The following GDE1 variants were observed in gnomAD, a reference collection of about 807,000 sequenced individuals.
The protein encoded by GDE1 is RGS16-interacting membrane protein.
In GDE1, 24 loss-of-function variants were observed where a neutral mutation model predicts 32.2. The ratio of observed to expected loss-of-function variants is 0.75; its 90% CI spans 0.54 to 1.05. GDE1 has a LOEUF of 1.05. GDE1 is among the 50% of genes least tolerant of loss of function. The pLI, the probability that GDE1 is intolerant of heterozygous loss-of-function variation, is 0.00. For synonymous variants in GDE1, 159 were observed against 158.6 expected (o/e 1.00, Z -0.02); for missense variants, 380 against 415.0 (o/e 0.92, Z 0.73).
chr16:19,519,449 C>CAT (rs111659244), intron 1 of GDE1, among the ~76,000 whole-genome samples: 1,531 of 146,902 alleles, frequency 0.01, 21 homozygotes, highest in African/African-American at 0.029. Flanking sequence ...TGTGTATGTG[C>CAT]ATATATATAT....
Position 19,517,107 on chromosome 16 carries a change from G to A in GDE1, c.344C>T (p.Thr115Ile). The A allele has an allele frequency of 1.2e-6, 2 of 1,613,628 alleles. No homozygotes were observed. Among genetic ancestry groups the A allele is most frequent in the Non-Finnish European group, 1.7e-6 (2 of 1,179,548 alleles). Residue 115 changes from threonine (T) to isoleucine (I), a missense_variant, in exon 2 of 6, where the codon ACA becomes ATA. Thr to Ile is a moderately conservative substitution (Grantham distance 89). Coordinates refer to ENST00000353258, the MANE Select transcript of GDE1 (RefSeq NM_016641.4). ...AGTCCCATCAGTCGTCCTATCTACT[G>A]TGTTATCGTGCATTAAGACAGGAAT... ...DGIPVLMHDNTVDRTTDGTGR... is the reference protein window; with the variant it reads ...DGIPVLMHDNIVDRTTDGTGR...
Position 19,504,983 on chromosome 16 carries a change from A to G in GDE1, c.746T>C (p.Ile249Thr). Residue 249 changes from isoleucine (I) to threonine (T), a missense_variant, in exon 5 of 6, where the codon ATA becomes ACA. Coordinates refer to ENST00000353258, the MANE Select transcript of GDE1 (RefSeq NM_016641.4). The part of the protein sequence containing the change: ...PRYDTFWKHF[I>T]FVMMDILLDW... ...GAGCAAAATGTCCATCATAACAAAT[A>G]TAAAATGTTTCCAGAAAGTATCATA... is the stretch of plus-strand genomic sequence containing the variant. The G allele has an allele frequency of 6.2e-7, 1 of 1,613,054 alleles. No individual in the cohort carries two copies. Among genetic ancestry groups the G allele is most frequent in the Non-Finnish European group, 8.5e-7 (1 of 1,178,980 alleles).
At chr16:19,515,367 G>A (rs569291368) in intron 2 of GDE1, among the ~76,000 whole-genome samples, 15 of 152,304 alleles carry the variant, frequency 9.8e-5, no homozygotes, top group Non-Finnish European at 1.9e-4. Context: ...AAGACTGGTT[G>A]TGTTAAAGAC....
chr16:19,512,507 CA>C (rs1431726337), intron 2 of GDE1, among the ~76,000 whole-genome samples: 1 of 152,102 alleles, frequency 6.6e-6, no homozygotes, highest in East Asian at 1.9e-4. Context: ...TCCTATTCAA[CA>C]GGTTTTCTTT....
At chr16:19,509,417 A>T (rs561538907) in intron 3 of GDE1, among the ~76,000 whole-genome samples, 29 of 152,306 alleles carry the variant, frequency 1.9e-4, no homozygotes, top group African/African-American at 7.0e-4. Flanking sequence ...GGTGCTCATT[A>T]AAAATACATG....
intron 1 of GDE1, 22 bp downstream of exon 1, chr16:19,521,682 G>A: frequency 1.2e-6 from 2 of 1,607,276 alleles, no homozygotes; most frequent in Non-Finnish European, 1.7e-6. Context: ...AGGACCGAGG[G>A]GCGCGAACGT....
At chr16:19,513,620 G>GCTC (rs1204534173) in intron 2 of GDE1, among the ~76,000 whole-genome samples, 3 of 151,942 alleles carry the variant, frequency 2.0e-5, no homozygotes, top group African/African-American at 4.8e-5. Flanking sequence ...TTTCCTGATT[G>GCTC]CTCTGGCTAG....
chr16:19,517,399 A>C (rs1317101602), intron 1 of GDE1, among the ~76,000 whole-genome samples: 7 of 152,154 alleles, frequency 4.6e-5, no homozygotes, highest in Non-Finnish European at 8.8e-5. Flanking sequence ...TTCCTTAAAA[A>C]CTTTAATTTT....
chr16:19,503,678 A>G (rs1160070663), intron 5 of GDE1, 61 bp from the exon 6 acceptor site: 3 of 1,388,510 alleles, frequency 2.2e-6, no homozygotes, highest in African/African-American at 1.4e-5. Flanking sequence ...GGAATCCATA[A>G]TGGCCACTAA....
In GDE1 at chr16:19,503,715, TG is replaced by T. The variant is rs1244772370; in HGVS notation, c.849-99del. The T allele has an allele frequency of 4.0e-6, 4 of 1,005,032 alleles. No individual in the cohort carries two copies. In the Admixed American group the frequency reaches 8.2e-5, roughly 21 times the overall value. The allele number at this position is 1,005,032 out of a possible 1,614,324, so 62.3% of individuals were successfully genotyped here. On this transcript the variant is annotated intron_variant, in intron 5 of 5. Transcript: ENST00000353258. ...TATGGTGTTCACTGCATACCAATGG[TG>T]CCCAGAGAATGCCTCCTAACTGGCC...
At chr16:19,507,988 C>T (rs1969270265) in intron 3 of GDE1, among the ~76,000 whole-genome samples, 1 of 152,178 alleles carries the variant, frequency 6.6e-6, no homozygotes. Flanking sequence ...AGGTGGAGTA[C>T]TGCTGCTTTA....
At chr16:19,520,949 G>C (rs1567340531) in intron 1 of GDE1, among the ~76,000 whole-genome samples, 1 of 152,174 alleles carries the variant, frequency 6.6e-6, no homozygotes, top group Non-Finnish European at 1.5e-5. Flanking sequence ...TGTGAGTCCA[G>C]CTGCCAGGGT....
chr16:19,511,396 G>A (rs1291432843), intron 2 of GDE1, among the ~76,000 whole-genome samples: 2 of 152,080 alleles, frequency 1.3e-5, no homozygotes, highest in African/African-American at 4.8e-5. Flanking sequence ...GAGCCACTGC[G>A]CCTGTCCTAC....
chr16:19,517,219 C>A, intron 1 of GDE1, 30 bp from the exon 2 acceptor site: 1 of 1,556,962 alleles, frequency 6.4e-7, no homozygotes, highest in Non-Finnish European at 8.9e-7. Flanking sequence ...ATATTACTGT[C>A]AAATGGCCAC....
rs1000520740 is a variant in GDE1, at chr16:19,522,057, G to C, written c.-93C>G. ...AGCGAGGGGGAGGGTCCAAGGCACC[G>C]GCAGCAGCAGGAACCCTCTGAGGGG... On this transcript the variant is annotated 5_prime_UTR_variant, in exon 1 of 6. Coordinates refer to ENST00000353258, the MANE Select transcript of GDE1 (RefSeq NM_016641.4). 4.5e-6 allele frequency: 6 copies of C among 1,318,934 alleles called. No individual in the cohort carries two copies. The highest frequency in any genetic ancestry group is 5.1e-6 in the Non-Finnish European group (5 of 984,152). The allele number at this position is 1,318,934 out of a possible 1,614,324, so 81.7% of individuals were successfully genotyped here.
At chr16:19,504,610 T>C in intron 5 of GDE1, 1 of 323,366 alleles carries the variant, frequency 3.1e-6, no homozygotes, top group Non-Finnish European at 5.7e-6. Context: ...GTCACAGAAA[T>C]AAAATCCCTT....
Position 19,510,857 on chromosome 16 carries a change from G to C in GDE1, c.525C>G (p.Val175=), listed in dbSNP as rs752893382. The C allele has an allele frequency of 1.9e-6, 3 of 1,577,956 alleles. No homozygotes were observed. Among genetic ancestry groups the C allele is most frequent in the Non-Finnish European group, 2.6e-6 (3 of 1,154,832 alleles). Residue 175 remains valine, a synonymous_variant, in exon 3 of 6, where the codon GTC becomes GTG. Transcript: ENST00000353258. ...ACTGTACCTTGTGTGCATGGCCTTTGACATCAAAGAAGATTGTGAGGTTAT... is the reference window on the plus strand; with the variant it reads ...ACTGTACCTTGTGTGCATGGCCTTTCACATCAAAGAAGATTGTGAGGTTAT... ...LNHNLTIFFD[V]KGHAHKATEA... is the part of the protein sequence containing the mutation.
In GDE1 at chr16:19,514,295, G is replaced by A. The variant is rs558325978; in HGVS notation, c.437+2719C>T. On this transcript the variant is annotated intron_variant, in intron 2 of 5. Transcript: ENST00000353258. ...GCATAGGGTGAGGTATGGGGAAAGG[G>A]GCATAGAGCTTCCATGCCCTTTCTG... Among the ~76,000 whole-genome samples, 5 of 152,178 alleles carry A rather than the reference G, an allele frequency of 3.3e-5. No individual in the cohort carries two copies. In the East Asian group the frequency reaches 5.8e-4, roughly 18 times the overall value.
Position 19,517,012 on chromosome 16 carries a change from A to C in GDE1, c.437+2T>G. The stretch of plus-strand genomic sequence containing the variant: ...CTGTTTAAGTGACAATAAACTACTT[A>C]CCTGAGTCTGTGGTTTGCTGCAGGA... On this transcript the variant is annotated splice_donor_variant, in intron 2 of 5. Coordinates refer to ENST00000353258, the MANE Select transcript of GDE1 (RefSeq NM_016641.4). LOFTEE classifies it high-confidence loss of function. The C allele has an allele frequency of 6.2e-7, 1 of 1,613,364 alleles. No individual in the cohort carries two copies. Among genetic ancestry groups the C allele is most frequent in the Non-Finnish European group, 8.5e-7 (1 of 1,179,314 alleles).
Sources: allele counts gnomAD v4.1 joint callset (sites outside exome capture counted in the v4.1 genomes callset), GRCh38; gene constraint gnomAD v4.1.1; transcripts MANE v1.5; gene names NCBI Gene and HGNC (gene_info 2026-07-23, HGNC 2026-07-21).